The following NANS variants were observed in gnomAD, a reference collection of about 807,000 sequenced individuals.
The protein encoded by NANS is N-acetylneuraminate synthase, also known as N-acetylneuraminate-9-phosphate synthase.
In NANS, 29 loss-of-function variants were observed where a neutral mutation model predicts 33.3. That is an observed-to-expected ratio of 0.87 (90% CI 0.65 to 1.19). NANS has a LOEUF of 1.19. NANS is among the 50% of genes most tolerant of loss of function. The probability of loss-of-function intolerance (pLI) is 0.00; values close to 1 mark genes in which losing one functional copy is unlikely to be tolerated. For synonymous variants in NANS, 163 were observed against 177.2 expected, an observed-to-expected ratio of 0.92 and a Z score of 0.64; for missense variants, 394 against 461.1, an observed-to-expected ratio of 0.85 and a Z score of 1.33.
chr9:98,071,057 C>T (rs1476016448), intron 2 of NANS, among the ~76,000 whole-genome samples: 1 of 152,180 alleles, frequency 6.6e-6, no homozygotes, highest in Non-Finnish European at 1.5e-5. Flanking sequence ...AAACAGTCTC[C>T]CACCTCGGCC....
In NANS at chr9:98,060,853, G is replaced by C. The variant is rs1058446; in HGVS notation, c.204G>C (p.Glu68Asp). The change falls in exon 2 of 6, where the codon GAG (glutamate) becomes GAC (aspartate). Residue 68 changes from glutamate to aspartate, a missense_variant. Coordinates refer to ENST00000210444, the MANE Select transcript of NANS (RefSeq NM_018946.4). ...LEFKFNRKAL[E>D]RPYTSKHSWG... The stretch of plus-strand genomic sequence containing the variant: ...TCAAGTTTAATCGGAAAGCCTTGGA[G>C]AGGCCATACACCTCGAAGCATTCCT... 0.22 allele frequency: 360,254 copies of C among 1,613,884 alleles called. 42,230 individuals carry two copies. Among genetic ancestry groups the C allele is most frequent in the Admixed American group, 0.26 (15,393 of 60,000 alleles).
intron 2 of NANS, chr9:98,076,141 T>A (rs1396790178): frequency 6.6e-6 from 1 of 152,130 alleles, no homozygotes; most frequent in Non-Finnish European, 1.5e-5. Flanking sequence ...CAGCCATGGA[T>A]CCTTATGTAG....
rs867842019 is a variant in NANS at position 98,078,837 on chromosome 9, A to G, written c.603+490A>G. Among the ~76,000 whole-genome samples the G allele has an allele frequency of 0.027, 681 of 24,884 alleles. 1 individual carries two copies. In the African/African-American group the frequency reaches 0.28, roughly 10 times the overall value. The allele number at this position is 24,884 out of a possible 152,430, so 16.3% of individuals were successfully genotyped here. On this transcript the variant is annotated intron_variant, in intron 4 of 5. Coordinates refer to ENST00000210444, the MANE Select transcript of NANS (RefSeq NM_018946.4). ...GTGACAGAGTGAGACTCTCAGGGGG[A>G]AAAAAAAAAAAAAAAAAGTCTGTCT...
intron 2 of NANS, 80 bp from the exon 3 acceptor site, chr9:98,076,838 T>C (rs1009145500): frequency 1.7e-6 from 2 of 1,167,942 alleles, no homozygotes; most frequent in African/African-American, 3.1e-5. Context: ...GTTTTTCTAC[T>C]TGTATGTTAT....
At chr9:98,058,380 G>A (rs542715024) in intron 1 of NANS, among the ~76,000 whole-genome samples, 8 of 152,230 alleles carry the variant, frequency 5.3e-5, no homozygotes, top group Admixed American at 2.0e-4. Flanking sequence ...ACAACCCAAT[G>A]CCATGATGCT....
At chr9:98,066,289 C>T (rs1041295211) in intron 2 of NANS, among the ~76,000 whole-genome samples, 7 of 152,200 alleles carry the variant, frequency 4.6e-5, no homozygotes, top group African/African-American at 1.7e-4. Flanking sequence ...AGGAGGTCCA[C>T]AAAGGCAAAG....
At chr9:98,070,319 T>C (rs1357320134) in intron 2 of NANS, among the ~76,000 whole-genome samples, 1 of 152,194 alleles carries the variant, frequency 6.6e-6, no homozygotes, top group East Asian at 1.9e-4. Context: ...GGTTTCACCA[T>C]GTTGACCAGG....
At chr9:98,075,402 GGAGGAAGGAAAGGGAGA>G (rs1266441273) in intron 2 of NANS, 2 of 150,804 alleles carry the variant, frequency 1.3e-5, no homozygotes, top group East Asian at 3.9e-4. Context: ...TGGGAGGGAG[GGAGGAAGGAAAGGGAGA>G]GAGGGAGGGA....
intron 2 of NANS, among the ~76,000 whole-genome samples, chr9:98,073,991 G>A (rs369426232): frequency 1.9e-3 from 296 of 151,856 alleles, no homozygotes; most frequent in African/African-American, 6.9e-3. Context: ...TCGCCATGTT[G>A]CCTAGGCTGG....
chr9:98,080,805 C>T lies in NANS; in HGVS notation c.604-11C>T, dbSNP rs1163528486. On this transcript the variant is annotated splice_polypyrimidine_tract_variant and intron_variant, in intron 4 of 5. Transcript: ENST00000210444. ...GATATTTAATGTTATTTTTCTTTTT[C>T]CATTTTAAAGGAATATCAGAAGCTC... The T allele has an allele frequency of 6.4e-7, 1 of 1,554,372 alleles. No individual in the cohort carries two copies. Among genetic ancestry groups the T allele is most frequent in the South Asian group, 1.2e-5 (1 of 83,084 alleles).
chr9:98,068,794 C>T (rs956981526), intron 2 of NANS, among the ~76,000 whole-genome samples: 2 of 150,108 alleles, frequency 1.3e-5, no homozygotes, highest in East Asian at 3.9e-4. Context: ...GAACTCCAGA[C>T]TCCAGCCTTG....
At chr9:98,074,455 G>GT (rs1371845877) in intron 2 of NANS, among the ~76,000 whole-genome samples, 2 of 152,182 alleles carry the variant, frequency 1.3e-5, no homozygotes, top group African/African-American at 4.8e-5. Context: ...CCAGCCTGTA[G>GT]TAGCCCCTAG....
At chr9:98,070,332 G>A (rs1829284978) in intron 2 of NANS, among the ~76,000 whole-genome samples, 1 of 152,064 alleles carries the variant, frequency 6.6e-6, no homozygotes. Context: ...TGACCAGGCT[G>A]GTCTTGAACT....
intron 2 of NANS, among the ~76,000 whole-genome samples, chr9:98,066,229 G>A (rs990317733): frequency 2.0e-5 from 3 of 152,164 alleles, no homozygotes; most frequent in Non-Finnish European, 2.9e-5. Context: ...ATATGAAGGC[G>A]GTTTCCAAAG....
chr9:98,076,836 A>G, intron 2 of NANS, 82 bp from the exon 3 acceptor site: 2 of 1,140,816 alleles, frequency 1.8e-6, no homozygotes, highest in African/African-American at 1.6e-5. Context: ...GGGTTTTTCT[A>G]CTTGTATGTT....
At chr9:98,079,670 T>G (rs148667853) in intron 4 of NANS, among the ~76,000 whole-genome samples, 315 of 152,266 alleles carry the variant, frequency 2.1e-3, no homozygotes, top group African/African-American at 7.1e-3. Context: ...TTCCGATAAT[T>G]AACAGTTTAG....
rs1829836570 is a variant in NANS, at chr9:98,081,090, C to T, written c.870+8C>T. 6.2e-7 allele frequency: 1 copy of T among 1,614,014 alleles called. No homozygotes were observed. The highest frequency in any genetic ancestry group is 1.3e-5 in the African/African-American group (1 of 75,040). ...ATGGCCTGCAATGAGAAGGTGTGTC[C>T]TGCCGGACTCTACTCGGTTCTGCTG... On this transcript the variant is annotated splice_region_variant and intron_variant, in intron 5 of 5. Coordinates refer to ENST00000210444, the MANE Select transcript of NANS (RefSeq NM_018946.4).
At chr9:98,080,762 A>C in intron 4 of NANS, 54 bp from the exon 5 acceptor site, 14 of 1,522,392 alleles carry the variant, frequency 9.2e-6, no homozygotes, top group Non-Finnish European at 1.2e-5. Context: ...CACCTGGAGA[A>C]TATGCATAAA....
chr9:98,077,988 G>T (rs1395613099), intron 3 of NANS: 2 of 619,870 alleles, frequency 3.2e-6, no homozygotes, highest in Non-Finnish European at 5.5e-6. Flanking sequence ...AACACTGTCG[G>T]GGGGCAGAGG....
Sources: gnomAD v4.1 joint callset for allele counts (sites outside exome capture counted in the v4.1 genomes callset) on GRCh38, gnomAD v4.1.1 for gene constraint, MANE v1.5 for transcripts, NCBI Gene and HGNC (gene_info 2026-07-23, HGNC 2026-07-21) for gene names.